Variants in DISP1 observed in about 807,000 individuals in gnomAD.
The protein encoded by DISP1 is protein dispatched homolog 1.
A neutral mutation model predicts 37.3 loss-of-function variants in DISP1; 30 were observed. The observed-to-expected ratio is 0.80, with a 90% confidence interval of 0.60 to 1.09. DISP1 has a LOEUF of 1.09. Among genes scored for constraint, DISP1 ranks in the 50% least tolerant of loss-of-function variants. The pLI, the probability that DISP1 is intolerant of heterozygous loss-of-function variation, is 0.00. For missense variants in DISP1, 1,598 were observed against 1,879.5 expected (o/e 0.85, Z 2.77); for synonymous variants, 634 against 690.2 (o/e 0.92, Z 1.28).
At chr1:222,921,206 G>A (rs1672791628) in intron 1 of DISP1, among the ~76,000 whole-genome samples, 1 of 152,154 alleles carries the variant, frequency 6.6e-6, no homozygotes, top group African/African-American at 2.4e-5. Context: ...CTACTCGGGA[G>A]GCTGAGGCAC....
chr1:222,834,360 C>G (rs1252569963), intron 1 of DISP1, among the ~76,000 whole-genome samples: 1 of 152,040 alleles, frequency 6.6e-6, no homozygotes, highest in Non-Finnish European at 1.5e-5. Context: ...TCTTTTAGTT[C>G]TATTTCTGCC....
chr1:222,828,505 C>T (rs1366054946), intron 1 of DISP1, among the ~76,000 whole-genome samples: 3 of 152,162 alleles, frequency 2.0e-5, no homozygotes, highest in Non-Finnish European at 2.9e-5. Context: ...TATATTTACC[C>T]ATATGCATTT....
chr1:222,848,828 A>G (rs1036759821), intron 1 of DISP1, among the ~76,000 whole-genome samples: 17 of 151,842 alleles, frequency 1.1e-4, no homozygotes, highest in African/African-American at 4.1e-4. Context: ...GGAAATATTT[A>G]TATCAGAGCT....
chr1:222,947,174 C>T (rs774222202), intron 3 of DISP1, among the ~76,000 whole-genome samples: 10 of 152,138 alleles, frequency 6.6e-5, no homozygotes, highest in Non-Finnish European at 1.5e-4. Context: ...TAAATTATAA[C>T]TCTGCCTGCC....
Position 223,005,909 on chromosome 1 carries a change from T to C in DISP1, c.4512T>C (p.Asn1504=), listed in dbSNP as rs1190652603. 5 of 1,614,158 alleles carry C rather than the reference T, an allele frequency of 3.1e-6. No homozygotes were observed. The highest frequency in any genetic ancestry group is 3.3e-5 in the Admixed American group (2 of 60,024). Residue 1504 remains asparagine, a synonymous_variant, in exon 9 of 9, where the codon AAT becomes AAC. Transcript: ENST00000675850. ...VDCQMPNMEA[N]VPAVLTHSEL... ...GTCAAATGCCAAACATGGAAGCCAA[T>C]GTGCCTGCTGTATTAACACACTCGG... is the stretch of plus-strand genomic sequence containing the variant.
At chr1:222,902,940 C>G (rs1671680400) in intron 1 of DISP1, among the ~76,000 whole-genome samples, 1 of 151,604 alleles carries the variant, frequency 6.6e-6, no homozygotes, top group Admixed American at 6.6e-5. Context: ...ACCCAGCCAT[C>G]CCATTACTGG....
At chr1:222,909,536 T>G (rs1221817748) in intron 1 of DISP1, among the ~76,000 whole-genome samples, 1 of 152,238 alleles carries the variant, frequency 6.6e-6, no homozygotes, top group Admixed American at 6.5e-5. Context: ...TTATCAACTC[T>G]TCTGTAGTTG....
rs146882142 is a variant in DISP1, at chr1:222,980,054, G to GA, written c.510-3019dup. Among the ~76,000 whole-genome samples, 1,350 of 152,102 alleles carry GA rather than the reference G, an allele frequency of 8.9e-3. 22 individuals are homozygous for GA. Among genetic ancestry groups the GA allele is most frequent in the African/African-American group, 0.031 (1,274 of 41,470 alleles). ...AAGAGAAAATTGTAAAAGATCTGGG[G>GA]AAAAAAATCATCAAAATTTAGTTGT... is the stretch of plus-strand genomic sequence containing the variant. On this transcript the variant is annotated intron_variant, in intron 3 of 8. Coordinates refer to ENST00000675850, the MANE Select transcript of DISP1 (RefSeq NM_001377229.1).
chr1:222,877,364 AAGAG>A (rs370487791), intron 1 of DISP1, among the ~76,000 whole-genome samples: 6 of 152,156 alleles, frequency 3.9e-5, no homozygotes, highest in Admixed American at 3.9e-4. Context: ...GCGGCAGGCA[AAGAG>A]AGAGAGATTG....
intron 7 of DISP1, among the ~76,000 whole-genome samples, chr1:222,992,644 G>A (rs1479520331): frequency 1.3e-5 from 2 of 152,120 alleles, no homozygotes; most frequent in Non-Finnish European, 2.9e-5. Context: ...AAAAAATAAA[G>A]TCTAGAGGTT....
At chr1:222,969,942 T>C (rs1263774748) in intron 3 of DISP1, among the ~76,000 whole-genome samples, 1 of 152,092 alleles carries the variant, frequency 6.6e-6, no homozygotes. Flanking sequence ...AAAATTAAAC[T>C]TTATATTTTA....
Position 222,839,545 on chromosome 1 carries a change from G to A in DISP1, c.-159+24467G>A, listed in dbSNP as rs146860195. On this transcript the variant is annotated intron_variant, in intron 1 of 8. Coordinates refer to ENST00000675850, the MANE Select transcript of DISP1 (RefSeq NM_001377229.1). Reference sequence around the variant, plus strand: ...ACAAAGGAAGAGAACTGAGAGGTAGGGAGTGATCTCACTGCTTAGTACAGA... The same window carrying A: ...ACAAAGGAAGAGAACTGAGAGGTAGAGAGTGATCTCACTGCTTAGTACAGA... 2.0e-5 allele frequency among the ~76,000 whole-genome samples: 3 copies of A among 152,250 alleles called. No individual in the cohort carries two copies. In the East Asian group the frequency reaches 5.8e-4, roughly 29 times the overall value.
chr1:222,920,260 G>C (rs1049038378), intron 1 of DISP1, among the ~76,000 whole-genome samples: 2 of 152,068 alleles, frequency 1.3e-5, no homozygotes, highest in African/African-American at 4.8e-5. Context: ...AAGACATAGT[G>C]GTCTTCATTC....
chr1:222,950,953 C>T (rs1428953146), intron 3 of DISP1, among the ~76,000 whole-genome samples: 1 of 152,198 alleles, frequency 6.6e-6, no homozygotes, highest in Non-Finnish European at 1.5e-5. Flanking sequence ...TTGATTGTAA[C>T]AGAGGACTCC....
At chr1:222,929,541 G>A (rs542740532) in intron 2 of DISP1, among the ~76,000 whole-genome samples, 9 of 152,124 alleles carry the variant, frequency 5.9e-5, no homozygotes, top group South Asian at 2.1e-4. Flanking sequence ...AGAAGGAAAT[G>A]TGTCCTTTTT....
chr1:222,957,970 G>A (rs1336920740), intron 3 of DISP1, among the ~76,000 whole-genome samples: 3 of 152,210 alleles, frequency 2.0e-5, no homozygotes, highest in Admixed American at 6.5e-5. Flanking sequence ...AATTGGCAGA[G>A]ACCATGTACA....
At chr1:222,947,358 G>A (rs985104615) in intron 3 of DISP1, among the ~76,000 whole-genome samples, 3 of 151,912 alleles carry the variant, frequency 2.0e-5, no homozygotes, top group African/African-American at 7.3e-5. Flanking sequence ...TTCTTTTTAA[G>A]GCTGAATAAT....
intron 1 of DISP1, among the ~76,000 whole-genome samples, chr1:222,887,049 T>C (rs1670637121): frequency 1.3e-5 from 2 of 152,228 alleles, no homozygotes; most frequent in African/African-American, 4.8e-5. Context: ...AAGTTTGTGA[T>C]TGAGACATTT....
chr1:222,917,325 T>C (rs1336931172), intron 1 of DISP1, among the ~76,000 whole-genome samples: 1 of 152,028 alleles, frequency 6.6e-6, no homozygotes, highest in Non-Finnish European at 1.5e-5. Flanking sequence ...CAGGGACAGA[T>C]AGAGACTAGC....
Sources: gnomAD v4.1 joint callset for allele counts (sites outside exome capture counted in the v4.1 genomes callset) on GRCh38, gnomAD v4.1.1 for gene constraint, MANE v1.5 for transcripts, NCBI Gene and HGNC (gene_info 2026-07-23, HGNC 2026-07-21) for gene names.